The following ERICH6 variants were observed in gnomAD, a reference collection of about 807,000 sequenced individuals.
ERICH6 encodes the protein glutamate-rich protein 6.
ERICH6 carries 71 observed loss-of-function variants against 71.0 expected under a neutral mutation model. The observed-to-expected ratio is 1.00, with a 90% CI of 0.83 to 1.22. The LOEUF (loss-of-function observed/expected upper bound fraction) is 1.22. Ranked by LOEUF, ERICH6 falls within the 50% of genes most tolerant of loss-of-function variation. The probability of loss-of-function intolerance (pLI) is 0.00; values close to 1 mark genes in which losing one functional copy is unlikely to be tolerated. For missense variants in ERICH6, 808 were observed against 797.2 expected (o/e 1.01, Z -0.16); for synonymous variants, 262 against 278.4 (o/e 0.94, Z 0.59).
At chr3:150,664,769 T>C (rs551533792) in intron 13 of ERICH6, among the ~76,000 whole-genome samples, 90 of 151,728 alleles carry the variant, frequency 5.9e-4, no homozygotes, top group Non-Finnish European at 1.1e-3. Context: ...ATAAAGGGAA[T>C]CTCATTTTTT....
Position 150,691,835 on chromosome 3 carries a change from C to T in ERICH6, c.554-5481G>A, listed in dbSNP as rs535691839. Among the ~76,000 whole-genome samples the T allele has an allele frequency of 3.0e-4, 45 of 151,980 alleles. No individual in the cohort carries two copies. In the East Asian group the frequency reaches 5.8e-3, roughly 20 times the overall value. ...TTGGGTCTAAAAAGGACACCAAGTC[C>T]GGCTGAATTTTAAACACTGACAGCA... On this transcript the variant is annotated intron_variant, in intron 3 of 13. Coordinates refer to ENST00000295910, the MANE Select transcript of ERICH6 (RefSeq NM_152394.5).
Position 150,680,433 on chromosome 3 carries a change from C to T in ERICH6, c.1111+35G>A, listed in dbSNP as rs371161693. On this transcript the variant is annotated intron_variant, in intron 9 of 13. Transcript: ENST00000295910. ...AACATCTGAGCTTTCTGACGTTGTA[C>T]AGCTGGTCTATAAGATCAGCACTAA... is the stretch of plus-strand genomic sequence containing the variant. 37 of 1,588,516 alleles carry T rather than the reference C, an allele frequency of 2.3e-5. No homozygotes were observed. In the East Asian group the frequency reaches 2.5e-4, roughly 11 times the overall value.
chr3:150,695,497 T>TAA (rs56710019), intron 3 of ERICH6, among the ~76,000 whole-genome samples: 19 of 142,722 alleles, frequency 1.3e-4, no homozygotes, highest in East Asian at 6.0e-4. Flanking sequence ...CCATCTCTAC[T>TAA]AAAAAAAAAA....
At chr3:150,663,112 G>A (rs897105722) in intron 13 of ERICH6, among the ~76,000 whole-genome samples, 8 of 152,104 alleles carry the variant, frequency 5.3e-5, no homozygotes, top group African/African-American at 1.7e-4. Flanking sequence ...CCAGACTTAC[G>A]TTTTCAAAGT....
intron 3 of ERICH6, among the ~76,000 whole-genome samples, chr3:150,690,362 C>T (rs886510389): frequency 4.6e-5 from 7 of 150,990 alleles, no homozygotes; most frequent in Non-Finnish European, 7.4e-5. Flanking sequence ...AACTGCCTAG[C>T]GTTGTGAAAC....
rs777031388 is a variant in ERICH6, at chr3:150,703,610, G to A, written c.289C>T (p.Arg97Cys). The change falls in exon 1 of 14, where the codon CGC becomes TGC. Residue 97 changes from arginine to cysteine, a missense_variant. This residue lies in a region of ERICH6 where 736 missense variants were observed against 712.2 expected (regional missense o/e 1.03). Transcript: ENST00000295910. The stretch of plus-strand genomic sequence containing the variant: ...CTAGGGCTGACGATGCTGGCTAAGC[G>A]GGGGCGCACGTCTGGGAAGTCGTCG... The part of the protein sequence containing the change: ...YDDDFPDVRP[R>C]LASIVSPSLT... 1.9e-6 allele frequency: 3 copies of A among 1,613,986 alleles called. No homozygotes were observed. The South Asian group carries it at 3.3e-5, about 18-fold the overall frequency.
intron 13 of ERICH6, among the ~76,000 whole-genome samples, chr3:150,663,512 C>A (rs1264771067): frequency 6.6e-6 from 1 of 151,728 alleles, no homozygotes; most frequent in Admixed American, 6.6e-5. Context: ...TGGAGTGCAG[C>A]AGCACAATCA....
chr3:150,675,960 C>G (rs1387654603), intron 10 of ERICH6, among the ~76,000 whole-genome samples: 1 of 148,954 alleles, frequency 6.7e-6, no homozygotes, highest in Non-Finnish European at 1.5e-5. Flanking sequence ...ATTCTTAAAC[C>G]TGTTGATTGG....
At chr3:150,691,641 T>A (rs1712436541) in intron 3 of ERICH6, among the ~76,000 whole-genome samples, 1 of 152,136 alleles carries the variant, frequency 6.6e-6, no homozygotes, top group South Asian at 2.1e-4. Flanking sequence ...ATAAGAGGAT[T>A]TCTTTAAAAA....
rs146667073 is a variant in ERICH6 at position 150,684,020 on chromosome 3, C to T, written c.784-1704G>A. Among the ~76,000 whole-genome samples the T allele has an allele frequency of 1.9e-3, 290 of 152,162 alleles. 2 individuals carry two copies. Among genetic ancestry groups the T allele is most frequent in the South Asian group, 1.7e-3 (8 of 4,826 alleles). ...ACCCATCTCTGGGTGTTGCGGGAGG[C>T]GAGTATAACCTCAGAGACATCCCTA... On this transcript the variant is annotated intron_variant, in intron 6 of 13. Transcript: ENST00000295910.
intron 13 of ERICH6, 120 bp from the exon 14 acceptor site, chr3:150,660,275 T>C: frequency 8.8e-7 from 1 of 1,133,748 alleles, no homozygotes; most frequent in African/African-American, 1.6e-5. Flanking sequence ...TCCACTCTAA[T>C]TCATCCGTAA....
At chr3:150,669,194 A>T in intron 12 of ERICH6, 102 bp downstream of exon 12, 1 of 1,292,056 alleles carries the variant, frequency 7.7e-7, no homozygotes, top group Non-Finnish European at 1.0e-6. Context: ...ACACTAACTT[A>T]AATAAATCTT....
At chr3:150,688,698 A>G (rs1475374699) in intron 3 of ERICH6, among the ~76,000 whole-genome samples, 1 of 152,216 alleles carries the variant, frequency 6.6e-6, no homozygotes, top group Non-Finnish European at 1.5e-5. Flanking sequence ...CAGAAACTCA[A>G]AAGAATGCAA....
chr3:150,678,010 G>A (rs760664739), intron 10 of ERICH6, among the ~76,000 whole-genome samples: 4 of 152,116 alleles, frequency 2.6e-5, no homozygotes, highest in South Asian at 2.1e-4. Flanking sequence ...AATGGCTAGC[G>A]TGACTGAGAA....
intron 13 of ERICH6, among the ~76,000 whole-genome samples, chr3:150,664,551 G>A (rs542931102): frequency 2.0e-5 from 3 of 151,908 alleles, no homozygotes; most frequent in Non-Finnish European, 4.4e-5. Flanking sequence ...GGAGGCTGAG[G>A]CATGAGAATC....
chr3:150,680,885 CATAGAT>C lies in ERICH6; in HGVS notation c.922_927del (p.Ile308_Tyr309del), dbSNP rs1378163224. 6.2e-7 allele frequency: 1 copy of C among 1,613,410 alleles called. No homozygotes were observed. Among genetic ancestry groups the C allele is most frequent in the African/African-American group, 1.3e-5 (1 of 74,898 alleles). On this transcript the variant is annotated inframe_deletion, in exon 8 of 14. Transcript: ENST00000295910. ...GGGGGTTTGGTTTTTATTTGCTCCT[CATAGAT>C]ATAGTCAATCAGATTTTGGAAAGCA... is the stretch of plus-strand genomic sequence containing the variant.
At chr3:150,663,256 T>G (rs970937644) in intron 13 of ERICH6, among the ~76,000 whole-genome samples, 2 of 151,926 alleles carry the variant, frequency 1.3e-5, no homozygotes, top group Non-Finnish European at 2.9e-5. Context: ...CACTGGAAAA[T>G]GTGAGAAGTG....
chr3:150,677,075 G>T (rs1476404020), intron 10 of ERICH6, among the ~76,000 whole-genome samples: 1 of 152,154 alleles, frequency 6.6e-6, no homozygotes. Flanking sequence ...GCCTCCCAAA[G>T]TGCTAGGATT....
At chr3:150,676,381 T>G in intron 10 of ERICH6, among the ~76,000 whole-genome samples, 1 of 152,222 alleles carries the variant, frequency 6.6e-6, no homozygotes, top group East Asian at 1.9e-4. Flanking sequence ...TGATCTTTTA[T>G]TTTCATGATC....
Sources: allele counts gnomAD v4.1 joint callset (sites outside exome capture counted in the v4.1 genomes callset), GRCh38; gene constraint gnomAD v4.1.1; regional missense constraint gnomAD v4.1.1; transcripts MANE v1.5; gene names NCBI Gene and HGNC (gene_info 2026-07-23, HGNC 2026-07-21).